Variants in TAF1B observed in about 807,000 individuals in gnomAD.
TAF1B encodes the protein TATA-box binding protein associated factor, RNA polymerase I subunit B.
A neutral mutation model predicts 83.9 loss-of-function variants in TAF1B; 61 were observed. The ratio of observed to expected loss-of-function variants is 0.73; its 90% CI spans 0.59 to 0.90. The LOEUF (loss-of-function observed/expected upper bound fraction) is 0.90. Among genes scored for constraint, TAF1B ranks in the 40% least tolerant of loss-of-function variants. TAF1B has a pLI of 0.00. For synonymous variants in TAF1B, 221 were observed against 224.6 expected (o/e 0.98, Z 0.14); for missense variants, 625 against 677.0 (o/e 0.92, Z 0.85).
At chr2:9,910,635 T>C in intron 9 of TAF1B, 101 bp from the exon 10 acceptor site, 1 of 1,006,558 alleles carries the variant, frequency 9.9e-7, no homozygotes, top group Non-Finnish European at 1.4e-6. Context: ...TCTGAGTTCT[T>C]GCATAGTGTC....
At chr2:9,891,895 GT>G (rs1664883794) in intron 8 of TAF1B, among the ~76,000 whole-genome samples, 1 of 152,170 alleles carries the variant, frequency 6.6e-6, no homozygotes, top group African/African-American at 2.4e-5. Flanking sequence ...TTATTTTTAA[GT>G]TTATATAGAA....
intron 4 of TAF1B, 182 bp downstream of exon 4, chr2:9,851,820 T>C (rs1397706553): frequency 4.6e-6 from 3 of 649,200 alleles, no homozygotes; most frequent in African/African-American, 3.6e-5. Context: ...TTCTACAGGA[T>C]GTAAATAAGC....
At chr2:9,933,413 T>C (rs1666277234) in intron 14 of TAF1B, among the ~76,000 whole-genome samples, 1 of 152,240 alleles carries the variant, frequency 6.6e-6, no homozygotes, top group South Asian at 2.1e-4. Flanking sequence ...TCAGGAATTA[T>C]TTGTTTTCTT....
At chr2:9,860,545 T>C (rs1191895053) in intron 5 of TAF1B, among the ~76,000 whole-genome samples, 3 of 152,182 alleles carry the variant, frequency 2.0e-5, no homozygotes, top group African/African-American at 4.8e-5. Flanking sequence ...TAAGACCGGA[T>C]GACATCACCA....
intron 12 of TAF1B, among the ~76,000 whole-genome samples, chr2:9,915,659 G>A (rs1665661802): frequency 6.6e-6 from 1 of 152,076 alleles, no homozygotes; most frequent in African/African-American, 2.4e-5. Context: ...AATTCAAAAT[G>A]GTACCGCTAT....
At chr2:9,906,841 G>A (rs1268009621) in intron 9 of TAF1B, among the ~76,000 whole-genome samples, 1 of 152,032 alleles carries the variant, frequency 6.6e-6, no homozygotes, top group African/African-American at 2.4e-5. Context: ...CCTATATTGA[G>A]TTGTATTACT....
At chr2:9,900,425 A>G (rs1418960900) in intron 8 of TAF1B, among the ~76,000 whole-genome samples, 2 of 152,290 alleles carry the variant, frequency 1.3e-5, no homozygotes, top group South Asian at 4.1e-4. Flanking sequence ...GTCTCAGCCT[A>G]CCCAGAAGGC....
At chr2:9,915,253 T>G (rs2125175591) in intron 12 of TAF1B, among the ~76,000 whole-genome samples, 1 of 152,318 alleles carries the variant, frequency 6.6e-6, no homozygotes, top group Non-Finnish European at 1.5e-5. Flanking sequence ...GGCAGAAATT[T>G]CTTAGATGTG....
At chr2:9,933,564 C>T (rs1210286686) in intron 14 of TAF1B, among the ~76,000 whole-genome samples, 1 of 152,178 alleles carries the variant, frequency 6.6e-6, no homozygotes, top group East Asian at 1.9e-4. Flanking sequence ...TTAGCACCAC[C>T]TGTGGCCCTT....
At chr2:9,890,991 C>CG (rs755039185) in intron 8 of TAF1B, among the ~76,000 whole-genome samples, 4 of 152,172 alleles carry the variant, frequency 2.6e-5, no homozygotes, top group Non-Finnish European at 5.9e-5. Flanking sequence ...AGGCTGGTCT[C>CG]GAACTCCCGA....
intron 7 of TAF1B, among the ~76,000 whole-genome samples, chr2:9,878,497 A>G (rs1005577205): frequency 6.6e-6 from 1 of 152,172 alleles, no homozygotes; most frequent in African/African-American, 2.4e-5. Flanking sequence ...CAAAGTACCC[A>G]CATACCTTAA....
At chr2:9,933,327 G>A (rs922915384) in intron 14 of TAF1B, among the ~76,000 whole-genome samples, 9 of 152,154 alleles carry the variant, frequency 5.9e-5, no homozygotes, top group Non-Finnish European at 1.2e-4. Context: ...GAAATTGCTT[G>A]GTAAACTCTT....
At position 9,891,745 on chromosome 2, in the gene TAF1B, A is replaced by G. The variant is rs114219738; in HGVS notation, c.807+8940A>G. On this transcript the variant is annotated intron_variant, in intron 8 of 14. Coordinates refer to ENST00000263663, the MANE Select transcript of TAF1B (RefSeq NM_005680.3). Reference sequence around the variant, plus strand: ...GTTTTAGTTTTTAACAAAAAAGTTTAAAGAGTAAAAAAACAAAAAATAAAA... The same window carrying G: ...GTTTTAGTTTTTAACAAAAAAGTTTGAAGAGTAAAAAAACAAAAAATAAAA... Among the ~76,000 whole-genome samples, 476 of 152,298 alleles carry G rather than the reference A, an allele frequency of 3.1e-3. 3 individuals carry two copies. The highest frequency in any genetic ancestry group is 0.01 in the African/African-American group (422 of 41,572).
Position 9,843,680 on chromosome 2 carries a change from G to C in TAF1B, c.18+121G>C, listed in dbSNP as rs1020569034. 7.7e-6 allele frequency: 9 copies of C among 1,162,784 alleles called. No homozygotes were observed. The Admixed American group carries it at 9.5e-5, about 12-fold the overall frequency. The allele number at this position is 1,162,784 out of a possible 1,614,324, so 72.0% of individuals were successfully genotyped here. On this transcript the variant is annotated intron_variant, in intron 1 of 14. Coordinates refer to ENST00000263663, the MANE Select transcript of TAF1B (RefSeq NM_005680.3). ...CGACGCCACCGGCTGGAGGAAGGCG[G>C]GGCGGAGGGCTGCAGGGCGGGCTAA...
intron 5 of TAF1B, among the ~76,000 whole-genome samples, chr2:9,860,036 AAG>A (rs892710164): frequency 1.5e-4 from 23 of 152,258 alleles, no homozygotes; most frequent in African/African-American, 5.5e-4. Context: ...CCATGGCAGC[AAG>A]AGAGAGAGAG....
chr2:9,883,738 A>G (rs933435552), intron 8 of TAF1B, among the ~76,000 whole-genome samples: 1 of 152,270 alleles, frequency 6.6e-6, no homozygotes, highest in South Asian at 2.1e-4. Context: ...GGATGGCACA[A>G]TAGGTGCTTC....
intron 1 of TAF1B, 120 bp downstream of exon 1, chr2:9,843,679 G>C: frequency 2.6e-6 from 3 of 1,175,066 alleles, no homozygotes; most frequent in Non-Finnish European, 3.5e-6. Flanking sequence ...GGAGGAAGGC[G>C]GGGCGGAGGG....
At chr2:9,925,722 A>G (rs1426039358) in intron 14 of TAF1B, among the ~76,000 whole-genome samples, 1 of 151,764 alleles carries the variant, frequency 6.6e-6, no homozygotes, top group South Asian at 2.1e-4. Flanking sequence ...TACTACAGAC[A>G]TGCGCTACCA....
chr2:9,923,585 A>G (rs944167701), intron 14 of TAF1B, among the ~76,000 whole-genome samples: 1 of 152,150 alleles, frequency 6.6e-6, no homozygotes, highest in Non-Finnish European at 1.5e-5. Flanking sequence ...AGGCTGAGGC[A>G]GGCGAATCAC....
Sources: gnomAD v4.1 joint callset for allele counts (sites outside exome capture counted in the v4.1 genomes callset) on GRCh38, gnomAD v4.1.1 for gene constraint, MANE v1.5 for transcripts, NCBI Gene and HGNC (gene_info 2026-07-23, HGNC 2026-07-21) for gene names.